SGCZ: variants seen among roughly 807,000 people sequenced by gnomAD.
SGCZ encodes zeta-sarcoglycan.
Under a neutral mutation model 41.3 loss-of-function variants are expected in SGCZ, and 40 were observed. That is an observed-to-expected ratio of 0.97 (90% CI 0.75 to 1.26). The LOEUF (loss-of-function observed/expected upper bound fraction) is 1.26, where lower values mean the gene tolerates loss of function less well. SGCZ is among the 50% of genes most tolerant of loss of function. The probability of loss-of-function intolerance (pLI) is 0.00; values close to 1 mark genes in which losing one functional copy is unlikely to be tolerated. For synonymous variants in SGCZ, 206 were observed against 137.5 expected, an observed-to-expected ratio of 1.50 and a Z score of -3.49; for missense variants, 552 against 369.8, an observed-to-expected ratio of 1.49 and a Z score of -4.04.
chr8:14,537,423 A>T (rs1803329346), intron 2 of SGCZ, among the ~76,000 whole-genome samples: 1 of 151,896 alleles, frequency 6.6e-6, no homozygotes, highest in Admixed American at 6.6e-5. Flanking sequence ...AGATCCAAAC[A>T]AGACAGAGAA....
chr8:15,080,601 ATT>A (rs1805706399), intron 1 of SGCZ, among the ~76,000 whole-genome samples: 2 of 151,468 alleles, frequency 1.3e-5, no homozygotes, highest in African/African-American at 4.9e-5. Flanking sequence ...TTATTTATTT[ATT>A]TATTTTGAGA....
intron 3 of SGCZ, among the ~76,000 whole-genome samples, chr8:14,238,429 T>C (rs920722499): frequency 2.6e-5 from 4 of 152,218 alleles, no homozygotes; most frequent in African/African-American, 2.4e-5. Flanking sequence ...CTGTAAATCA[T>C]ACAAGGATTT....
chr8:15,041,482 T>A (rs376848478), intron 1 of SGCZ, among the ~76,000 whole-genome samples: 15 of 152,232 alleles, frequency 9.9e-5, no homozygotes, highest in East Asian at 7.7e-4. Flanking sequence ...TTTATATGGC[T>A]TATTTTCTTT....
chr8:15,187,329 T>C (rs959856554), intron 1 of SGCZ, among the ~76,000 whole-genome samples: 3 of 152,138 alleles, frequency 2.0e-5, no homozygotes, highest in African/African-American at 4.8e-5. Flanking sequence ...GCTTTAAGAA[T>C]TGGTGCTTTT....
chr8:15,193,102 T>A (rs1466424068), intron 1 of SGCZ, among the ~76,000 whole-genome samples: 1 of 152,026 alleles, frequency 6.6e-6, no homozygotes, highest in Non-Finnish European at 1.5e-5. Context: ...ATCACGTAGG[T>A]AAGCACCATA....
intron 1 of SGCZ, among the ~76,000 whole-genome samples, chr8:14,610,178 A>T (rs1510448): frequency 0.52 from 79,660 of 151,866 alleles, 21,292 homozygotes; most frequent in East Asian, 0.69. Context: ...TGGCAGAATA[A>T]GTGGCCCCAA....
At chr8:14,868,537 A>T (rs1804017606) in intron 1 of SGCZ, among the ~76,000 whole-genome samples, 1 of 152,144 alleles carries the variant, frequency 6.6e-6, no homozygotes, top group South Asian at 2.1e-4. Flanking sequence ...AATGAAAAGA[A>T]TGACTGAATC....
In SGCZ at chr8:14,085,212, T is replaced by C. The variant is rs1037518152; in HGVS notation, c.*5231A>G. Among the ~76,000 whole-genome samples, 1 of 151,786 alleles carries C rather than the reference T, an allele frequency of 6.6e-6. No homozygotes were observed. Among genetic ancestry groups the C allele is most frequent in the Admixed American group, 6.6e-5 (1 of 15,206 alleles). ...TTTTGTAATTTTGGTAATATTGCAA[T>C]TTTACAAACATGTTGCATAGTATGT... On this transcript the variant is annotated 3_prime_UTR_variant, in exon 8 of 8. Coordinates refer to ENST00000382080, the MANE Select transcript of SGCZ (RefSeq NM_139167.4).
intron 1 of SGCZ, among the ~76,000 whole-genome samples, chr8:14,692,958 C>T (rs1385774324): frequency 2.6e-5 from 4 of 152,112 alleles, no homozygotes; most frequent in Non-Finnish European, 2.9e-5. Flanking sequence ...CCAAAAGTGG[C>T]CATGGATTAC....
chr8:14,126,577 C>A (rs1341950954), intron 5 of SGCZ, among the ~76,000 whole-genome samples: 1 of 152,192 alleles, frequency 6.6e-6, no homozygotes, highest in Non-Finnish European at 1.5e-5. Flanking sequence ...GACAGTGTAG[C>A]ATTTCCTCAA....
chr8:14,268,610 C>T (rs978928429), intron 3 of SGCZ, among the ~76,000 whole-genome samples: 2 of 151,798 alleles, frequency 1.3e-5, no homozygotes, highest in East Asian at 3.9e-4. Flanking sequence ...ACATGTAGAA[C>T]CCATACATTT....
intron 1 of SGCZ, among the ~76,000 whole-genome samples, chr8:14,702,925 G>GATAGA: frequency 7.9e-6 from 1 of 125,872 alleles, no homozygotes; most frequent in African/African-American, 2.9e-5. Context: ...AGTTAGGTAG[G>GATAGA]TAGATAGATA....
intron 1 of SGCZ, among the ~76,000 whole-genome samples, chr8:14,848,619 G>A (rs1803216024): frequency 6.6e-6 from 1 of 152,170 alleles, no homozygotes; most frequent in African/African-American, 2.4e-5. Flanking sequence ...CTTTCAACAA[G>A]TGGTGTTGGG....
At chr8:14,938,865 T>A (rs1800172409) in intron 1 of SGCZ, among the ~76,000 whole-genome samples, 1 of 152,130 alleles carries the variant, frequency 6.6e-6, no homozygotes, top group Non-Finnish European at 1.5e-5. Flanking sequence ...CCTCCCATTT[T>A]TTTCCAAGTA....
At chr8:15,027,890 T>C (rs892548545) in intron 1 of SGCZ, among the ~76,000 whole-genome samples, 2 of 152,126 alleles carry the variant, frequency 1.3e-5, no homozygotes, top group South Asian at 2.1e-4. Flanking sequence ...GTCCTAAGCA[T>C]GTAATATCTA....
intron 1 of SGCZ, among the ~76,000 whole-genome samples, chr8:14,964,016 T>C (rs952556090): frequency 6.6e-6 from 1 of 152,164 alleles, no homozygotes; most frequent in African/African-American, 2.4e-5. Context: ...CCCTTCTCCT[T>C]TAAATCCTAT....
chr8:14,123,895 T>C (rs533897397), intron 5 of SGCZ, among the ~76,000 whole-genome samples: 1 of 152,222 alleles, frequency 6.6e-6, no homozygotes, highest in African/African-American at 2.4e-5. Flanking sequence ...GGAGCCAAAA[T>C]AATCACCAGG....
At chr8:14,219,332 T>C (rs1806107627) in intron 4 of SGCZ, among the ~76,000 whole-genome samples, 1 of 152,190 alleles carries the variant, frequency 6.6e-6, no homozygotes, top group African/African-American at 2.4e-5. Context: ...CTGAGAAGTA[T>C]GCTCAACAAG....
chr8:15,037,184 T>A (rs142147950), intron 1 of SGCZ, among the ~76,000 whole-genome samples: 1 of 152,228 alleles, frequency 6.6e-6, no homozygotes, highest in African/African-American at 2.4e-5. Flanking sequence ...TCCCCACATG[T>A]CATAGGAGGG....
Sources: allele counts gnomAD v4.1 joint callset (sites outside exome capture counted in the v4.1 genomes callset), GRCh38; gene constraint gnomAD v4.1.1; transcripts MANE v1.5; gene names NCBI Gene and HGNC (gene_info 2026-07-23, HGNC 2026-07-21).